RXFP1: variants seen among roughly 807,000 people sequenced by gnomAD.
The protein encoded by RXFP1 is relaxin family peptide receptor 1.
Under a neutral mutation model 89.8 loss-of-function variants are expected in RXFP1, and 73 were observed. The observed-to-expected ratio is 0.81, with a 90% CI of 0.67 to 0.99. The LOEUF (loss-of-function observed/expected upper bound fraction) is 0.99. RXFP1 is among the 50% of genes least tolerant of loss of function. The probability of loss-of-function intolerance (pLI) is 0.00; values close to 1 mark genes in which losing one functional copy is unlikely to be tolerated. For synonymous variants in RXFP1, 277 were observed against 305.5 expected (o/e 0.91, Z 0.97); for missense variants, 793 against 895.5 (o/e 0.89, Z 1.46).
intron 10 of RXFP1, among the ~76,000 whole-genome samples, chr4:158,627,836 A>G (rs917865763): frequency 6.6e-6 from 1 of 152,186 alleles, no homozygotes; most frequent in Admixed American, 6.5e-5. Flanking sequence ...CCTGAAGGAC[A>G]CAGAACAAAT....
At chr4:158,593,090 A>G (rs1364118904) in intron 2 of RXFP1, among the ~76,000 whole-genome samples, 1 of 133,142 alleles carries the variant, frequency 7.5e-6, no homozygotes, top group Non-Finnish European at 1.5e-5. Flanking sequence ...CTGTCTCAAA[A>G]AAAAAAAAAC....
At chr4:158,594,845 CT>C (rs560880611) in intron 3 of RXFP1, among the ~76,000 whole-genome samples, 81 of 151,900 alleles carry the variant, frequency 5.3e-4, no homozygotes, top group Non-Finnish European at 1.0e-3. Context: ...TATTTTTATC[CT>C]TTTTTGATTC....
At chr4:158,539,078 A>G (rs1050417261) in intron 1 of RXFP1, among the ~76,000 whole-genome samples, 1 of 152,182 alleles carries the variant, frequency 6.6e-6, no homozygotes, top group Admixed American at 6.5e-5. Context: ...TGAATTAGCA[A>G]CCACCTCCCA....
intron 17 of RXFP1, among the ~76,000 whole-genome samples, chr4:158,650,934 C>A (rs1221553788): frequency 2.0e-5 from 3 of 151,996 alleles, no homozygotes; most frequent in African/African-American, 7.3e-5. Flanking sequence ...CACAGGGAGA[C>A]CCTGAGACCC....
rs530028675 is a variant in RXFP1, at chr4:158,549,900, G to C, written c.50-22798G>C. 2.8e-4 allele frequency among the ~76,000 whole-genome samples: 43 copies of C among 152,316 alleles called. 1 individual carries two copies. In the South Asian group the frequency reaches 3.7e-3, roughly 13 times the overall value. Reference sequence around the variant, plus strand: ...CCCAGTTAGGCTGCTTGGGGGTCAGGGACCCACTTGAGGAGGCAGTCTGCC... The same window carrying C: ...CCCAGTTAGGCTGCTTGGGGGTCAGCGACCCACTTGAGGAGGCAGTCTGCC... On this transcript the variant is annotated intron_variant, in intron 1 of 17. Coordinates refer to ENST00000307765, the MANE Select transcript of RXFP1 (RefSeq NM_021634.4).
At chr4:158,630,976 AG>A (rs1200649050) in intron 11 of RXFP1, among the ~76,000 whole-genome samples, 2 of 152,240 alleles carry the variant, frequency 1.3e-5, no homozygotes, top group Non-Finnish European at 2.9e-5. Flanking sequence ...GAGCTTTTAA[AG>A]TCAACTACTC....
At chr4:158,525,219 C>G (rs371927342) in intron 1 of RXFP1, among the ~76,000 whole-genome samples, 234 of 138,030 alleles carry the variant, frequency 1.7e-3, no homozygotes, top group Non-Finnish European at 2.3e-3. Flanking sequence ...TATACTTTGG[C>G]GGGGGGGGGT....
intron 1 of RXFP1, among the ~76,000 whole-genome samples, chr4:158,532,534 C>G (rs1359080304): frequency 6.6e-6 from 1 of 152,138 alleles, no homozygotes; most frequent in African/African-American, 2.4e-5. Flanking sequence ...TTGCAAACAT[C>G]AAAATTGAGG....
chr4:158,525,222 G>C (rs985039584), intron 1 of RXFP1, among the ~76,000 whole-genome samples: 2 of 151,560 alleles, frequency 1.3e-5, no homozygotes, highest in Non-Finnish European at 2.9e-5. Flanking sequence ...ACTTTGGCGG[G>C]GGGGGGTTGG....
rs947293109 is a variant in RXFP1, at chr4:158,646,799, T to G, written c.1354T>G (p.Cys452Gly). The G allele has an allele frequency of 6.3e-7, 1 of 1,599,568 alleles. No homozygotes were observed. The highest frequency in any genetic ancestry group is 8.5e-7 in the Non-Finnish European group (1 of 1,170,678). ...MSIISLCCADCLMGIYLFVIG... is the reference protein window; with the variant it reads ...MSIISLCCADGLMGIYLFVIG... ...AACTATGACTCCTCTAGGTGCCGAC[T>G]GCTTAATGGGAATATATTTATTCGT... Residue 452 changes from cysteine to glycine, a missense_variant, in exon 16 of 18, where the codon TGC becomes GGC. Physicochemically the swap from Cys to Gly is radical, Grantham distance 159. Coordinates refer to ENST00000307765, the MANE Select transcript of RXFP1 (RefSeq NM_021634.4).
At position 158,600,339 on chromosome 4, in the gene RXFP1, G is replaced by A. The variant is rs79906711; in HGVS notation, c.392+908G>A. Among the ~76,000 whole-genome samples, 4 of 152,310 alleles carry A rather than the reference G, an allele frequency of 2.6e-5. No homozygotes were observed. In the East Asian group the frequency reaches 7.7e-4, roughly 29 times the overall value. On this transcript the variant is annotated intron_variant, in intron 4 of 17. Transcript: ENST00000307765. ...CTACAACTCAGAGTTCCTGTGCATA[G>A]TGGTTCCATTGAATTCACAGATCTG... is the stretch of plus-strand genomic sequence containing the variant.
intron 12 of RXFP1, among the ~76,000 whole-genome samples, chr4:158,635,610 G>A (rs971819252): frequency 5.3e-5 from 8 of 152,100 alleles, no homozygotes; most frequent in African/African-American, 1.9e-4. Context: ...ACTCTTAAGG[G>A]AAAGCTTTTG....
intron 1 of RXFP1, among the ~76,000 whole-genome samples, chr4:158,566,451 C>T (rs575161781): frequency 3.3e-5 from 5 of 152,256 alleles, no homozygotes; most frequent in African/African-American, 1.2e-4. Context: ...GCAACCTCCA[C>T]CTTCAGGGTT....
At chr4:158,582,376 T>C (rs1757537703) in intron 2 of RXFP1, among the ~76,000 whole-genome samples, 1 of 152,216 alleles carries the variant, frequency 6.6e-6, no homozygotes, top group Admixed American at 6.5e-5. Context: ...CAGCAGTCTC[T>C]GTGGTGCCAG....
intron 1 of RXFP1, among the ~76,000 whole-genome samples, chr4:158,557,940 C>A (rs181978323): frequency 4.6e-4 from 70 of 152,214 alleles, no homozygotes; most frequent in South Asian, 2.9e-3. Flanking sequence ...GCTCCCAGTG[C>A]CTTAGAAACT....
At chr4:158,637,314 C>A (rs72693376) in intron 12 of RXFP1, among the ~76,000 whole-genome samples, 22,040 of 151,976 alleles carry the variant, frequency 0.15, 1,862 homozygotes, top group Admixed American at 0.22. Context: ...TTGAGGAAGC[C>A]CCATACTATT....
intron 1 of RXFP1, among the ~76,000 whole-genome samples, chr4:158,525,439 A>G (rs894459267): frequency 6.6e-6 from 1 of 152,320 alleles, no homozygotes; most frequent in Non-Finnish European, 1.5e-5. Flanking sequence ...TTTCAAATGG[A>G]AGGAAAATTA....
intron 12 of RXFP1, 31 bp from the exon 13 acceptor site, chr4:158,637,977 A>G (rs2150228495): frequency 7.3e-7 from 1 of 1,374,898 alleles, no homozygotes; most frequent in South Asian, 1.2e-5. Flanking sequence ...GTTTTTAGAA[A>G]TGACCTATTG....
chr4:158,601,415 A>T, intron 4 of RXFP1, among the ~76,000 whole-genome samples: 1 of 152,314 alleles, frequency 6.6e-6, no homozygotes, highest in Middle Eastern at 3.4e-3. Flanking sequence ...TTAACAGGTC[A>T]CTCAGTGGAA....
Sources: gnomAD v4.1 joint callset for allele counts (sites outside exome capture counted in the v4.1 genomes callset) on GRCh38, gnomAD v4.1.1 for gene constraint, MANE v1.5 for transcripts, NCBI Gene and HGNC (gene_info 2026-07-23, HGNC 2026-07-21) for gene names.